LTBP1: variants seen among roughly 807,000 people sequenced by gnomAD.
LTBP1 encodes latent transforming growth factor beta binding protein 1.
A neutral mutation model predicts 207.6 loss-of-function variants in LTBP1; 129 were observed. The observed-to-expected ratio is 0.62, with a 90% confidence interval of 0.54 to 0.72. LTBP1 has a LOEUF of 0.72. Among genes scored for constraint, LTBP1 ranks in the 30% least tolerant of loss-of-function variants. The pLI is 0.00. For missense variants in LTBP1, 2,281 were observed against 2,217.2 expected (o/e 1.03, Z -0.58); for synonymous variants, 963 against 833.7 (o/e 1.16, Z -2.67).
chr2:33,275,126 G>C, intron 17 of LTBP1, 36 bp downstream of exon 17: 3 of 1,610,492 alleles, frequency 1.9e-6, no homozygotes, highest in Non-Finnish European at 2.5e-6. Context: ...CAAATTCTTA[G>C]ATCTGAGTTT....
rs756889685 is a variant in LTBP1, at chr2:33,274,951, A to G, written c.2744-14A>G. On this transcript the variant is annotated splice_polypyrimidine_tract_variant and intron_variant, in intron 16 of 33. Transcript: ENST00000404816. ...ACACAGAACTAATATTTTTATATGTATTTTTGTTAACAGATATTGATGAGT... is the reference window on the plus strand; with the variant it reads ...ACACAGAACTAATATTTTTATATGTGTTTTTGTTAACAGATATTGATGAGT... 2 of 1,612,778 alleles carry G rather than the reference A, an allele frequency of 1.2e-6. No homozygotes were observed. Among genetic ancestry groups the G allele is most frequent in the South Asian group, 1.1e-5 (1 of 91,030 alleles).
intron 3 of LTBP1, among the ~76,000 whole-genome samples, chr2:33,086,900 G>A (rs2078786707): frequency 6.6e-6 from 1 of 150,790 alleles, no homozygotes; most frequent in South Asian, 2.1e-4. Flanking sequence ...TATTTTTTTT[G>A]GTGGAAGAAT....
chr2:33,336,550 C>T (rs776895540), intron 24 of LTBP1, among the ~76,000 whole-genome samples: 1 of 152,170 alleles, frequency 6.6e-6, no homozygotes, highest in Admixed American at 6.5e-5. Context: ...TAAAAATGTT[C>T]TAAGACAGGA....
chr2:33,360,538 G>T (rs2094916065), intron 26 of LTBP1, 59 bp from the exon 27 acceptor site: 7 of 1,101,126 alleles, frequency 6.4e-6, no homozygotes, highest in African/African-American at 1.6e-5. Flanking sequence ...TTCTCTACTT[G>T]TTGTCTTAGG....
At chr2:33,365,213 T>C (rs2094970542) in intron 30 of LTBP1, 120 bp from the exon 31 acceptor site, 3 of 819,944 alleles carry the variant, frequency 3.7e-6, no homozygotes, top group Admixed American at 2.3e-5. Flanking sequence ...ATTCAGACTT[T>C]TACTTGGAAG....
chr2:33,257,588 C>G, intron 12 of LTBP1, 77 bp downstream of exon 12: 1 of 1,228,490 alleles, frequency 8.1e-7, no homozygotes, highest in South Asian at 1.4e-5. Context: ...TTATAACCCT[C>G]TAGAACAGAG....
At chr2:33,198,120 A>G (rs760252714) in intron 7 of LTBP1, among the ~76,000 whole-genome samples, 22 of 152,198 alleles carry the variant, frequency 1.4e-4, no homozygotes, top group Non-Finnish European at 2.1e-4. Flanking sequence ...TTTAAAAACC[A>G]TAAGAAACAA....
intron 2 of LTBP1, among the ~76,000 whole-genome samples, chr2:32,986,150 G>T (rs774351606): frequency 6.6e-6 from 1 of 152,146 alleles, no homozygotes; most frequent in African/African-American, 2.4e-5. Context: ...GATGAGTGTT[G>T]TAAACATAGA....
intron 5 of LTBP1, among the ~76,000 whole-genome samples, chr2:33,157,215 G>A (rs1324864975): frequency 6.6e-6 from 1 of 152,182 alleles, no homozygotes; most frequent in African/African-American, 2.4e-5. Context: ...ACTTGTTATT[G>A]TCTGTGATTA....
chr2:33,102,220 A>G (rs2079778329), intron 3 of LTBP1, among the ~76,000 whole-genome samples: 1 of 151,942 alleles, frequency 6.6e-6, no homozygotes, highest in Non-Finnish European at 1.5e-5. Flanking sequence ...CCACGTTTAG[A>G]GCGCTAGTTT....
At chr2:33,159,275 G>C (rs1442552376) in intron 5 of LTBP1, among the ~76,000 whole-genome samples, 1 of 152,170 alleles carries the variant, frequency 6.6e-6, no homozygotes, top group East Asian at 1.9e-4. Flanking sequence ...TCAGCATACA[G>C]ATGACTTAGT....
At chr2:33,012,837 A>G (rs910875080) in intron 2 of LTBP1, among the ~76,000 whole-genome samples, 1 of 152,234 alleles carries the variant, frequency 6.6e-6, no homozygotes, top group Non-Finnish European at 1.5e-5. Flanking sequence ...AGATTTTTCA[A>G]AATATGTACT....
At chr2:33,321,261 T>G (rs543794501) in intron 24 of LTBP1, among the ~76,000 whole-genome samples, 1 of 152,162 alleles carries the variant, frequency 6.6e-6, no homozygotes, top group African/African-American at 2.4e-5. Context: ...TTGCTAAACA[T>G]CTATAGAGAC....
At chr2:33,104,588 C>T (rs897845135) in intron 3 of LTBP1, among the ~76,000 whole-genome samples, 7 of 152,150 alleles carry the variant, frequency 4.6e-5, no homozygotes, top group African/African-American at 1.4e-4. Context: ...TGAACTGACT[C>T]GATCCTTGTT....
At chr2:33,163,299 C>T (rs1423791903) in intron 5 of LTBP1, among the ~76,000 whole-genome samples, 5 of 152,310 alleles carry the variant, frequency 3.3e-5, no homozygotes, top group South Asian at 2.1e-4. Flanking sequence ...TTTAAATTGT[C>T]ACTTGACATT....
intron 4 of LTBP1, among the ~76,000 whole-genome samples, chr2:33,129,679 G>A (rs1393578429): frequency 7.9e-5 from 12 of 151,832 alleles, no homozygotes; most frequent in South Asian, 2.1e-4. Context: ...CTATTTTTTC[G>A]GGTAAATTTT....
intron 7 of LTBP1, among the ~76,000 whole-genome samples, chr2:33,192,982 C>G (rs115435085): frequency 1.3e-5 from 2 of 152,310 alleles, no homozygotes; most frequent in African/African-American, 4.8e-5. Flanking sequence ...AGGTCCCATA[C>G]TCCTAACACT....
rs2091707132 is a variant in LTBP1, at chr2:33,230,225, A to G, written c.1876+8074A>G. On this transcript the variant is annotated intron_variant, in intron 9 of 33. Transcript: ENST00000404816. ...AAGCACTTTTAAAATTAAAGTGGTTAATAACTAGAATTACATTATTTCCTT... is the reference window on the plus strand; with the variant it reads ...AAGCACTTTTAAAATTAAAGTGGTTGATAACTAGAATTACATTATTTCCTT... Among the ~76,000 whole-genome samples, 3 of 152,192 alleles carry G rather than the reference A, an allele frequency of 2.0e-5. No homozygotes were observed. The South Asian group carries it at 6.2e-4, about 32-fold the overall frequency.
At chr2:33,123,501 G>T (rs1351642481) in intron 4 of LTBP1, among the ~76,000 whole-genome samples, 3 of 152,054 alleles carry the variant, frequency 2.0e-5, no homozygotes, top group Admixed American at 2.0e-4. Flanking sequence ...AAAATTAGAT[G>T]CCTCTCTTTG....
Sources: gnomAD v4.1 joint callset for allele counts (sites outside exome capture counted in the v4.1 genomes callset) on GRCh38, gnomAD v4.1.1 for gene constraint, MANE v1.5 for transcripts, NCBI Gene and HGNC (gene_info 2026-07-23, HGNC 2026-07-21) for gene names.